EHBP1: variants seen among roughly 807,000 people sequenced by gnomAD.
EHBP1 encodes EH domain binding protein 1.
EHBP1 carries 55 observed loss-of-function variants against 144.0 expected under a neutral mutation model. The observed-to-expected ratio is 0.38, with a 90% confidence interval of 0.31 to 0.48. The LOEUF is 0.48. Ranked by LOEUF, EHBP1 falls within the 20% of genes least tolerant of loss-of-function variation. The pLI, the probability that EHBP1 is intolerant of heterozygous loss-of-function variation, is 0.98. For synonymous variants in EHBP1, 469 were observed against 472.7 expected, an observed-to-expected ratio of 0.99 and a Z score of 0.10; for missense variants, 1,200 against 1,364.2, an observed-to-expected ratio of 0.88 and a Z score of 1.90.
rs928477738 is a variant in EHBP1 at position 62,979,058 on chromosome 2, T to C, written c.2461-130T>C. On this transcript the variant is annotated intron_variant, in intron 14 of 22. Transcript: ENST00000431489. ...TAAAAATGGTGTGACATCCAACTGA[T>C]ATAGAGCATCCTATTTATAATGTGG... The C allele has an allele frequency of 7.8e-6, 6 of 771,676 alleles. No individual in the cohort carries two copies. In the African/African-American group the frequency reaches 8.6e-5, roughly 11 times the overall value. 47.8% of individuals were successfully genotyped at this position (771,676 alleles called of 1,614,324 possible). A position where few individuals can be genotyped will look rare whatever the true frequency, so the allele number is the denominator to read the frequency against.
chr2:62,778,719 A>G (rs193247035), intron 5 of EHBP1, among the ~76,000 whole-genome samples: 133 of 152,250 alleles, frequency 8.7e-4, no homozygotes, highest in Admixed American at 2.4e-3. Context: ...TAAAATCACA[A>G]TGTTTCTGAC....
At chr2:62,943,671 A>C in intron 11 of EHBP1, 131 bp from the exon 12 acceptor site, 1 of 479,264 alleles carries the variant, frequency 2.1e-6, no homozygotes, top group Non-Finnish European at 3.7e-6. Flanking sequence ...AGTTTTGTTG[A>C]TTGAATTGCT....
At chr2:62,761,606 T>A (rs934977478) in intron 3 of EHBP1, among the ~76,000 whole-genome samples, 3 of 152,214 alleles carry the variant, frequency 2.0e-5, no homozygotes, top group Admixed American at 2.0e-4. Context: ...TTTTTCAATC[T>A]GTTAAATCTG....
At chr2:62,862,140 A>G (rs2049612702) in intron 8 of EHBP1, among the ~76,000 whole-genome samples, 1 of 152,122 alleles carries the variant, frequency 6.6e-6, no homozygotes. Flanking sequence ...CTATGTTTAA[A>G]TTCATTTCAG....
intron 14 of EHBP1, among the ~76,000 whole-genome samples, chr2:62,972,344 G>A (rs1218054009): frequency 6.6e-6 from 1 of 152,098 alleles, no homozygotes; most frequent in Non-Finnish European, 1.5e-5. Flanking sequence ...TTTATCCTTA[G>A]ACATAAACAG....
At chr2:62,894,927 AAGAGAG>A (rs57403564) in intron 10 of EHBP1, among the ~76,000 whole-genome samples, 20 of 141,110 alleles carry the variant, frequency 1.4e-4, no homozygotes, top group African/African-American at 1.9e-4. Flanking sequence ...AACAGAAAGA[AAGAGAG>A]AGAGAGAGAG....
At chr2:62,987,566 T>C (rs2059248957) in intron 15 of EHBP1, among the ~76,000 whole-genome samples, 1 of 152,184 alleles carries the variant, frequency 6.6e-6, no homozygotes, top group Admixed American at 6.5e-5. Context: ...AATTTAGAAA[T>C]ATTTGATGAC....
At chr2:62,820,212 CAA>C in intron 5 of EHBP1, among the ~76,000 whole-genome samples, 1 of 44,750 alleles carries the variant, frequency 2.2e-5, no homozygotes, top group Admixed American at 2.3e-4. Flanking sequence ...ACTCTTGTCT[CAA>C]AAAAAAAAAA....
chr2:63,045,144 A>G lies in EHBP1; in HGVS notation c.3356A>G (p.Asp1119Gly), dbSNP rs1357629330. The change falls in exon 22 of 23, where the codon GAT (aspartate) becomes GGT (glycine). Residue 1119 changes from aspartate to glycine, a missense_variant. Transcript: ENST00000431489. This position sits in a 1 kb window ranked among gnomAD's most constrained non-coding sequence, Gnocchi z 5.7. ...CTGGTGGCCCTGGTGAACAAGCGCG[A>G]TGCGCTCGTCAGGGACCTGGACGCG... ...DELVALVNKR[D>G]ALVRDLDAQE... The G allele has an allele frequency of 6.3e-7, 1 of 1,596,510 alleles. No individual in the cohort carries two copies. The highest frequency in any genetic ancestry group is 1.3e-5 in the African/African-American group (1 of 74,584).
intron 5 of EHBP1, among the ~76,000 whole-genome samples, chr2:62,783,170 C>A (rs375854149): frequency 6.6e-6 from 1 of 152,242 alleles, no homozygotes; most frequent in African/African-American, 2.4e-5. Context: ...CACGCTGATG[C>A]AAGAGGTGGC....
At chr2:62,733,129 G>T (rs2037777973) in intron 2 of EHBP1, among the ~76,000 whole-genome samples, 1 of 152,060 alleles carries the variant, frequency 6.6e-6, no homozygotes, top group African/African-American at 2.4e-5. Flanking sequence ...AAAATGATTT[G>T]TCTTTTGCTC....
chr2:62,996,779 ATTACAC>A lies in EHBP1; in HGVS notation c.3103+15_3103+20del. 6.2e-7 allele frequency: 1 copy of A among 1,609,632 alleles called. No homozygotes were observed. The highest frequency in any genetic ancestry group is 1.1e-5 in the South Asian group (1 of 90,312). On this transcript the variant is annotated intron_variant, in intron 19 of 22. Coordinates refer to ENST00000431489, the MANE Select transcript of EHBP1 (RefSeq NM_001142616.3). ...CTCATGGACACAGGTACGGTGCCCA[ATTACAC>A]TGTAAACAGTTTTGGCAAATTGAGC... is the stretch of plus-strand genomic sequence containing the variant.
At chr2:62,893,021 A>G (rs1014785130) in intron 10 of EHBP1, among the ~76,000 whole-genome samples, 3 of 152,164 alleles carry the variant, frequency 2.0e-5, no homozygotes, top group African/African-American at 7.2e-5. Flanking sequence ...AAAAGATAGT[A>G]ATGAACATTT....
At chr2:62,841,728 G>T (rs1393965383) in intron 7 of EHBP1, among the ~76,000 whole-genome samples, 1 of 151,650 alleles carries the variant, frequency 6.6e-6, no homozygotes, top group African/African-American at 2.4e-5. Flanking sequence ...TTGAGTTTTG[G>T]CTTCTTTTCT....
At chr2:63,021,091 G>A (rs2060725426) in intron 19 of EHBP1, among the ~76,000 whole-genome samples, 1 of 150,394 alleles carries the variant, frequency 6.6e-6, no homozygotes, top group East Asian at 1.9e-4. Context: ...AAGTAGCTGG[G>A]ATCACAGGCA....
chr2:62,784,287 A>C (rs910568238), intron 5 of EHBP1, among the ~76,000 whole-genome samples: 1 of 152,174 alleles, frequency 6.6e-6, no homozygotes, highest in Non-Finnish European at 1.5e-5. Context: ...AAGAAGAGAA[A>C]GATTGAATTT....
intron 19 of EHBP1, among the ~76,000 whole-genome samples, chr2:63,015,695 A>T (rs2060459555): frequency 6.6e-6 from 1 of 152,198 alleles, no homozygotes; most frequent in African/African-American, 2.4e-5. Context: ...CATACAGATT[A>T]TAATGAGAAA....
At chr2:62,916,256 A>G (rs547837825) in intron 10 of EHBP1, among the ~76,000 whole-genome samples, 91 of 152,264 alleles carry the variant, frequency 6.0e-4, no homozygotes, top group African/African-American at 2.1e-3. Context: ...TCTGAACCAG[A>G]AGAAGCAAAA....
At chr2:62,804,633 C>G (rs930978321) in intron 5 of EHBP1, among the ~76,000 whole-genome samples, 2 of 152,114 alleles carry the variant, frequency 1.3e-5, no homozygotes, top group African/African-American at 4.8e-5. Flanking sequence ...TTGGCCAAGA[C>G]CCACTTATTG....
Sources: gnomAD v4.1 joint callset for allele counts (sites outside exome capture counted in the v4.1 genomes callset) on GRCh38, gnomAD v4.1.1 for gene constraint, Gnocchi (gnomAD v3.1) non-coding constraint, MANE v1.5 for transcripts, NCBI Gene and HGNC (gene_info 2026-07-23, HGNC 2026-07-21) for gene names.